Variants in IRX5 observed in about 807,000 individuals in gnomAD.
IRX5 encodes the protein iroquois-class homeodomain protein IRX-5.
A neutral mutation model predicts 37.6 loss-of-function variants in IRX5; 8 were observed. The ratio of observed to expected loss-of-function variants is 0.21; its 90% CI spans 0.12 to 0.38. The LOEUF is 0.38. Ranked by LOEUF, IRX5 falls within the 10% of genes least tolerant of loss-of-function variation. The probability of loss-of-function intolerance (pLI) is 1.00; values close to 1 mark genes in which losing one functional copy is unlikely to be tolerated. For synonymous variants in IRX5, 359 were observed against 328.6 expected (o/e 1.09, Z -1.00); for missense variants, 635 against 695.2 (o/e 0.91, Z 0.97).
chr16:54,932,202 C>T lies in IRX5; in HGVS notation c.250-296C>T, dbSNP rs1261084181. The T allele has an allele frequency of 8.5e-6, 6 of 702,600 alleles. No individual in the cohort carries two copies. In the African/African-American group the frequency reaches 1.0e-4, roughly 12 times the overall value. The allele number at this position is 702,600 out of a possible 1,614,324, so 43.5% of individuals were successfully genotyped here. A position where few individuals can be genotyped will look rare whatever the true frequency, so the allele number is the denominator to read the frequency against. On this transcript the variant is annotated intron_variant, in intron 1 of 2. Transcript: ENST00000394636. The surrounding 1 kb of genome is among the most constrained non-coding windows in gnomAD (Gnocchi z 6.7). Reference sequence around the variant, plus strand: ...GGCCGGGCCGCCGTGGCCAGATCTGCGCACGGGGTACGGACGTGCCCGGGC... The same window carrying T: ...GGCCGGGCCGCCGTGGCCAGATCTGTGCACGGGGTACGGACGTGCCCGGGC...
chr16:54,931,991 G>T, intron 1 of IRX5: 1 of 685,824 alleles, frequency 1.5e-6, no homozygotes, highest in South Asian at 1.5e-5. Flanking sequence ...TTCGGTCTGG[G>T]GTAGTATTTT....
chr16:54,932,458 G>A lies in IRX5; in HGVS notation c.250-40G>A, dbSNP rs1963909971. The A allele has an allele frequency of 2.6e-6, 4 of 1,560,956 alleles. No homozygotes were observed. Among genetic ancestry groups the A allele is most frequent in the Non-Finnish European group, 3.5e-6 (4 of 1,152,958 alleles). On this transcript the variant is annotated intron_variant, in intron 1 of 2. Transcript: ENST00000394636. This position sits in a 1 kb window ranked among gnomAD's most constrained non-coding sequence, Gnocchi z 6.7. ...CTTCGGTCGTTCCGATGGCAGTGGA[G>A]ACCACGGTCCACACTCACCTCTCTG...
In IRX5 at chr16:54,932,138, G is replaced by T. The variant is rs773136029; in HGVS notation, c.250-360G>T. On this transcript the variant is annotated intron_variant, in intron 1 of 2. Transcript: ENST00000394636. The surrounding 1 kb of genome is among the most constrained non-coding windows in gnomAD (Gnocchi z 6.7). ...GTGCGTCCGCTCCCCCGCCGAGCGC[G>T]GAGTCGCCTCAGTTGCCCAGGCCTC... The T allele has an allele frequency of 1.4e-6, 1 of 702,808 alleles. No individual in the cohort carries two copies. Among genetic ancestry groups the T allele is most frequent in the African/African-American group, 1.7e-5 (1 of 57,248 alleles). 43.5% of individuals were successfully genotyped at this position (702,808 alleles called of 1,614,324 possible).
At position 54,933,884 on chromosome 16, in the gene IRX5, G is replaced by A; in HGVS notation, c.*11G>A. 6.3e-7 allele frequency: 1 copy of A among 1,574,804 alleles called. No individual in the cohort carries two copies. The highest frequency in any genetic ancestry group is 1.1e-5 in the South Asian group (1 of 87,080). On this transcript the variant is annotated 3_prime_UTR_variant, in exon 3 of 3. Coordinates refer to ENST00000394636, the MANE Select transcript of IRX5 (RefSeq NM_005853.6). ...ATGTCCGACATTTAACGCGGGCTGCGTCGGTCCCGGACTTTTCTAATTTAT... is the reference window on the plus strand; with the variant it reads ...ATGTCCGACATTTAACGCGGGCTGCATCGGTCCCGGACTTTTCTAATTTAT...
chr16:54,933,393 G>T lies in IRX5; in HGVS notation c.972G>T (p.Pro324=). Residue 324 remains proline, a synonymous_variant, in exon 3 of 3, where the codon CCG becomes CCT. Transcript: ENST00000394636. ...PSVIHSPPPP[P]PPAVLAKPKL... is the part of the protein sequence containing the mutation. ...TTATCCATTCGCCGCCTCCGCCGCC[G>T]CCTCCTGCGGTGCTCGCCAAGCCCA... 1 of 1,563,054 alleles carries T rather than the reference G, an allele frequency of 6.4e-7. No individual in the cohort carries two copies. The highest frequency in any genetic ancestry group is 8.6e-7 in the Non-Finnish European group (1 of 1,157,856).
Position 54,931,295 on chromosome 16 carries a change from A to ACGGATGAGCTCGGCC in IRX5, c.98_112dup (p.Gly37_Arg38insProAspGluLeuGly). ...CACCAGCGTCATTTCGGGGCCCCGC[A>ACGGATGAGCTCGGCC]CGGATGAGCTCGGCCGCTCTTCTTC... On this transcript the variant is annotated inframe_insertion, in exon 1 of 3. Transcript: ENST00000394636. 6.2e-7 allele frequency: 1 copy of ACGGATGAGCTCGGCC among 1,612,488 alleles called. No homozygotes were observed. The highest frequency in any genetic ancestry group is 8.5e-7 in the Non-Finnish European group (1 of 1,179,596).
chr16:54,932,865 A>G lies in IRX5; in HGVS notation c.617A>G (p.Lys206Arg). 2 of 1,613,702 alleles carry G rather than the reference A, an allele frequency of 1.2e-6. No homozygotes were observed. The highest frequency in any genetic ancestry group is 1.7e-6 in the Non-Finnish European group (2 of 1,179,850). The change falls in exon 2 of 3, where the codon AAG (lysine) becomes AGG (arginine). Residue 206 changes from lysine (K) to arginine (R), a missense_variant. Around this residue, in one of 5 missense-constraint regions of IRX5, gnomAD observed 244 missense variants for 205.4 expected, o/e 1.19. Transcript: ENST00000394636. The surrounding 1 kb of genome is among the most constrained non-coding windows in gnomAD (Gnocchi z 6.7). The stretch of plus-strand genomic sequence containing the variant: ...AAGAACGACGAGGACGAGCCCCAGA[A>G]GCCCGAGGACAAGGGCGACCCCGAG... Reference protein sequence around the residue: ...LEKNDEDEPQKPEDKGDPEGP... With the variant: ...LEKNDEDEPQRPEDKGDPEGP...
At chr16:54,931,571 A>G (rs1596761573) in intron 1 of IRX5, 124 bp downstream of exon 1, 1 of 1,315,988 alleles carries the variant, frequency 7.6e-7, no homozygotes, top group East Asian at 2.6e-5. Flanking sequence ...CGGCCCCTTC[A>G]AACTTGGGCG....
chr16:54,933,449 C>T lies in IRX5; in HGVS notation c.1028C>T (p.Ser343Leu), dbSNP rs1471911022. 4 of 1,611,700 alleles carry T rather than the reference C, an allele frequency of 2.5e-6. No homozygotes were observed. The highest frequency in any genetic ancestry group is 3.4e-6 in the Non-Finnish European group (4 of 1,179,480). ...KLWSLAEIAT[S>L]SDKVKDGGGG... ...TGGTCTTTGGCAGAGATCGCCACAT[C>T]GTCGGACAAGGTCAAGGACGGGGGC... is the stretch of plus-strand genomic sequence containing the variant. Residue 343 changes from serine to leucine, a missense_variant, in exon 3 of 3, where the codon TCG becomes TTG. By Grantham distance (145) the Ser-to-Leu change is moderately radical. This residue lies in a region of IRX5 where 188 missense variants were observed against 200.8 expected (regional missense o/e 0.94). Transcript: ENST00000394636.
intron 1 of IRX5, chr16:54,931,968 G>T (rs1963902718): frequency 1.6e-6 from 1 of 642,908 alleles, no homozygotes; most frequent in African/African-American, 1.8e-5. Flanking sequence ...GGATTTTTCG[G>T]CCGGGTTGTA....
Position 54,931,219 on chromosome 16 carries a change from C to T in IRX5, c.21C>T (p.Tyr7=). The stretch of plus-strand genomic sequence containing the variant: ...TGGCCATGTCCTATCCGCAGGGCTA[C>T]TTGTACCAGCCGTCCGCCTCGCTGG... MSYPQG[Y]LYQPSASLAL... is the part of the protein sequence containing the mutation. The change falls in exon 1 of 3, where the codon TAC becomes TAT. Residue 7 remains tyrosine (Y), a synonymous_variant. Coordinates refer to ENST00000394636, the MANE Select transcript of IRX5 (RefSeq NM_005853.6). 6.2e-7 allele frequency: 1 copy of T among 1,610,710 alleles called. No homozygotes were observed. The highest frequency in any genetic ancestry group is 8.5e-7 in the Non-Finnish European group (1 of 1,178,972).
rs1338148612 is a variant in IRX5, at chr16:54,932,726, G to A, written c.478G>A (p.Val160Met). Residue 160 changes from valine (V) to methionine (M), a missense_variant, in exon 2 of 3, where the codon GTG becomes ATG. Physicochemically the swap from Val to Met is conservative, Grantham distance 21. This residue lies in a region of IRX5 where 55 missense variants were observed against 120.5 expected (regional missense o/e 0.46). Transcript: ENST00000394636. This position sits in a 1 kb window ranked among gnomAD's most constrained non-coding sequence, Gnocchi z 6.7. ...AIITKMTLTQ[V>M]STWFANARRR... ...CATCACCAAGATGACCCTCACCCAG[G>A]TGTCCACCTGGTTCGCCAACGCGCG... 1 of 1,613,866 alleles carries A rather than the reference G, an allele frequency of 6.2e-7. No homozygotes were observed. The highest frequency in any genetic ancestry group is 1.3e-5 in the African/African-American group (1 of 74,906).
Position 54,932,012 on chromosome 16 carries a change from G to C in IRX5, c.250-486G>C. The C allele has an allele frequency of 1.4e-6, 1 of 696,762 alleles. No individual in the cohort carries two copies. Among genetic ancestry groups the C allele is most frequent in the Non-Finnish European group, 2.6e-6 (1 of 381,224 alleles). 43.2% of individuals were successfully genotyped at this position (696,762 alleles called of 1,614,324 possible). On this transcript the variant is annotated intron_variant, in intron 1 of 2. Coordinates refer to ENST00000394636, the MANE Select transcript of IRX5 (RefSeq NM_005853.6). This position sits in a 1 kb window ranked among gnomAD's most constrained non-coding sequence, Gnocchi z 6.7. ...CTGGGGTAGTATTTTTGGAGGGTGG[G>C]AGTGCGTGGGCATGGCTCAGCTTTT...
At position 54,931,099 on chromosome 16, in the gene IRX5, A is replaced by G; in HGVS notation, c.-100A>G. 1.1e-6 allele frequency: 1 copy of G among 935,142 alleles called. No individual in the cohort carries two copies. Among genetic ancestry groups the G allele is most frequent in the Non-Finnish European group, 1.3e-6 (1 of 748,116 alleles). The allele number at this position is 935,142 out of a possible 1,614,324, so 57.9% of individuals were successfully genotyped here. On this transcript the variant is annotated 5_prime_UTR_variant, in exon 1 of 3. Coordinates refer to ENST00000394636, the MANE Select transcript of IRX5 (RefSeq NM_005853.6). ...GCCGGGGCCAGAGGAGCGGCGGCCC[A>G]GGGCAGCCAGAGGCCAGGTGCCCGC... is the stretch of plus-strand genomic sequence containing the variant.
chr16:54,933,106 T>G lies in IRX5; in HGVS notation c.685T>G (p.Cys229Gly). The change falls in exon 3 of 3, where the codon TGC becomes GGC. Residue 229 changes from cysteine to glycine, a missense_variant. Around this residue, in one of 5 missense-constraint regions of IRX5, gnomAD observed 244 missense variants for 205.4 expected, o/e 1.19. Coordinates refer to ENST00000394636, the MANE Select transcript of IRX5 (RefSeq NM_005853.6). ...GGAEQKAASG[C>G]ERLQGPPTPA... ...AGCTGAGCAGAAGGCGGCTTCGGGC[T>G]GCGAACGGCTTCAGGGACCACCCAC... is the stretch of plus-strand genomic sequence containing the variant. 1 of 1,590,406 alleles carries G rather than the reference T, an allele frequency of 6.3e-7. No individual in the cohort carries two copies. Among genetic ancestry groups the G allele is most frequent in the Non-Finnish European group, 8.5e-7 (1 of 1,174,030 alleles).
At position 54,934,219 on chromosome 16, in the gene IRX5, A is replaced by AAT. The variant is rs1963942985; in HGVS notation, c.*352_*353dup. On this transcript the variant is annotated 3_prime_UTR_variant, in exon 3 of 3. Coordinates refer to ENST00000394636, the MANE Select transcript of IRX5 (RefSeq NM_005853.6). ...GCATTTAATGTTTTTTTGTAATATAAATATATACATTTGTGTTTCCCCCAA... is the reference window on the plus strand; with the variant it reads ...GCATTTAATGTTTTTTTGTAATATAAATATATATACATTTGTGTTTCCCCCAA... The AAT allele has an allele frequency of 6.1e-6, 1 of 165,164 alleles. No individual in the cohort carries two copies. The highest frequency in any genetic ancestry group is 1.3e-5 in the Non-Finnish European group (1 of 76,730). 10.2% of individuals were successfully genotyped at this position (165,164 alleles called of 1,614,324 possible). A position where few individuals can be genotyped will look rare whatever the true frequency, so the allele number is the denominator to read the frequency against.
In IRX5 at chr16:54,934,454, C is replaced by T. The variant is rs1963945149; in HGVS notation, c.*581C>T. 1 of 152,634 alleles carries T rather than the reference C, an allele frequency of 6.6e-6. No homozygotes were observed. Among genetic ancestry groups the T allele is most frequent in the Non-Finnish European group, 1.5e-5 (1 of 68,046 alleles). The allele number at this position is 152,634 out of a possible 1,614,324, so 9.5% of individuals were successfully genotyped here. Reference sequence around the variant, plus strand: ...AGAGCCACTCATTACTTTTTAGAAGCCTCAATAAACTGTCCATTGCCTTGG... The same window carrying T: ...AGAGCCACTCATTACTTTTTAGAAGTCTCAATAAACTGTCCATTGCCTTGG... On this transcript the variant is annotated 3_prime_UTR_variant, in exon 3 of 3. Coordinates refer to ENST00000394636, the MANE Select transcript of IRX5 (RefSeq NM_005853.6).
Position 54,933,666 on chromosome 16 carries a change from T to C in IRX5, c.1245T>C (p.Tyr415=). The change falls in exon 3 of 3, where the codon TAT becomes TAC. Residue 415 remains tyrosine, a synonymous_variant. Coordinates refer to ENST00000394636, the MANE Select transcript of IRX5 (RefSeq NM_005853.6). ...TAPFYPGYTN[Y]GSFGHLHGHP... is the part of the protein sequence containing the mutation. ...CCTTCTATCCCGGCTACACGAACTATGGCTCCTTCGGACACCTTCATGGCC... is the reference window on the plus strand; with the variant it reads ...CCTTCTATCCCGGCTACACGAACTACGGCTCCTTCGGACACCTTCATGGCC... 6.2e-7 allele frequency: 1 copy of C among 1,613,286 alleles called. No individual in the cohort carries two copies. Among genetic ancestry groups the C allele is most frequent in the Non-Finnish European group, 8.5e-7 (1 of 1,179,474 alleles).
chr16:54,931,362 C>A lies in IRX5; in HGVS notation c.164C>A (p.Thr55Lys). 1 of 1,606,498 alleles carries A rather than the reference C, an allele frequency of 6.2e-7. No homozygotes were observed. Reference protein sequence around the residue: ...FSPYAGSTAFTAPSPGYNSHL... With the variant: ...FSPYAGSTAFKAPSPGYNSHL... ...CCCTACGCTGGCTCGACTGCCTTCACGGCGCCCTCGCCGGGCTACAACTCG... is the reference window on the plus strand; with the variant it reads ...CCCTACGCTGGCTCGACTGCCTTCAAGGCGCCCTCGCCGGGCTACAACTCG... Residue 55 changes from threonine to lysine, a missense_variant, in exon 1 of 3, where the codon ACG (threonine) becomes AAG (lysine). By Grantham distance (78) the Thr-to-Lys change is moderately conservative (BLOSUM62 -1). Transcript: ENST00000394636.
Sources: gnomAD v4.1 joint callset for allele counts on GRCh38, gnomAD v4.1.1 for gene constraint, gnomAD v4.1.1 regional missense constraint, Gnocchi (gnomAD v3.1) non-coding constraint, MANE v1.5 for transcripts, NCBI Gene and HGNC (gene_info 2026-07-23, HGNC 2026-07-21) for gene names.